Variants in GRAMD1B observed in about 807,000 individuals in gnomAD.
GRAMD1B encodes the protein protein Aster-B.
A neutral mutation model predicts 99.7 loss-of-function variants in GRAMD1B; 37 were observed. That is an observed-to-expected ratio of 0.37 (90% confidence interval 0.29 to 0.49). The LOEUF (loss-of-function observed/expected upper bound fraction) is 0.49. Among genes scored for constraint, GRAMD1B ranks in the 20% least tolerant of loss-of-function variants. The probability of loss-of-function intolerance (pLI) is 0.98; values close to 1 mark genes in which losing one functional copy is unlikely to be tolerated. For missense variants in GRAMD1B, 888 were observed against 1,009.2 expected (o/e 0.88, Z 1.63); for synonymous variants, 427 against 387.6 (o/e 1.10, Z -1.19).
rs1457023873 is a variant in GRAMD1B, at chr11:123,503,458, T to C, written c.452+22565T>C. On this transcript the variant is annotated intron_variant, in intron 2 of 19. Coordinates refer to ENST00000635736, the MANE Select transcript of GRAMD1B (RefSeq NM_001387025.1). Reference sequence around the variant, plus strand: ...GTTCTTAACCCCCCACCCATACCCCTAAGATAGTAATTATAAAGACAAGAT... The same window carrying C: ...GTTCTTAACCCCCCACCCATACCCCCAAGATAGTAATTATAAAGACAAGAT... Among the ~76,000 whole-genome samples, 4 of 152,146 alleles carry C rather than the reference T, an allele frequency of 2.6e-5. No individual in the cohort carries two copies. In the East Asian group the frequency reaches 5.8e-4, roughly 22 times the overall value.
intron 1 of GRAMD1B, among the ~76,000 whole-genome samples, chr11:123,462,059 T>C (rs1197124666): frequency 6.6e-6 from 1 of 150,398 alleles, no homozygotes; most frequent in Non-Finnish European, 1.5e-5. Context: ...GTCCACCTCC[T>C]GGGTTCACGC....
At chr11:123,526,230 C>T in intron 2 of GRAMD1B, 1 of 1,437,460 alleles carries the variant, frequency 7.0e-7, no homozygotes, top group Non-Finnish European at 9.7e-7. Flanking sequence ...CCTGTGCTCG[C>T]CCCAGCACCC....
chr11:123,450,082 G>A (rs1023865439), intron 1 of GRAMD1B, among the ~76,000 whole-genome samples: 2 of 152,094 alleles, frequency 1.3e-5, no homozygotes, highest in Admixed American at 1.3e-4. Flanking sequence ...GCATAGTTAG[G>A]TGGAGAGTGA....
At chr11:123,379,016 T>G (rs899620389) in intron 1 of GRAMD1B, among the ~76,000 whole-genome samples, 5 of 152,068 alleles carry the variant, frequency 3.3e-5, no homozygotes, top group Non-Finnish European at 4.4e-5. Context: ...AGTTGTACAG[T>G]GTCAGTCTAA....
In GRAMD1B at chr11:123,515,768, C is replaced by G. The variant is rs117659998; in HGVS notation, c.452+34875C>G. On this transcript the variant is annotated intron_variant, in intron 2 of 19. Coordinates refer to ENST00000635736, the MANE Select transcript of GRAMD1B (RefSeq NM_001387025.1). Reference sequence around the variant, plus strand: ...TAAAAGGTCATGCTGTCAATATATTCAAACCTTTTTTTTTTTTGAGGCAGA... The same window carrying G: ...TAAAAGGTCATGCTGTCAATATATTGAAACCTTTTTTTTTTTTGAGGCAGA... Among the ~76,000 whole-genome samples, 176 of 146,710 alleles carry G rather than the reference C, an allele frequency of 1.2e-3. 2 individuals are homozygous for G. In the East Asian group the frequency reaches 0.037, roughly 31 times the overall value.
chr11:123,430,943 G>T lies in GRAMD1B; in HGVS notation c.151G>T (p.Val51Leu), dbSNP rs564903568. The change falls in exon 1 of 20, where the codon GTA (valine) becomes TTA (leucine). Residue 51 changes from valine (V) to leucine (L), a missense_variant. Around this residue, in one of 5 missense-constraint regions of GRAMD1B, gnomAD observed 233 missense variants for 154.6 expected, o/e 1.51. Coordinates refer to ENST00000635736, the MANE Select transcript of GRAMD1B (RefSeq NM_001387025.1). ...CTTCAAGATGCGCCGCATGAAGAACGTACAGGAGCAGAGCCTGGAGGCCGG... is the reference window on the plus strand; with the variant it reads ...CTTCAAGATGCGCCGCATGAAGAACTTACAGGAGCAGAGCCTGGAGGCCGG... ...RRFKMRRMKNVQEQSLEAGLA... is the reference protein window; with the variant it reads ...RRFKMRRMKNLQEQSLEAGLA... The T allele has an allele frequency of 1.0e-5, 7 of 702,712 alleles. No homozygotes were observed. The highest frequency in any genetic ancestry group is 1.8e-5 in the Non-Finnish European group (7 of 384,888). 43.5% of individuals were successfully genotyped at this position (702,712 alleles called of 1,614,324 possible). A position where few individuals can be genotyped will look rare whatever the true frequency, so the allele number is the denominator to read the frequency against.
At chr11:123,593,550 C>CT (rs1415589707) in intron 4 of GRAMD1B, among the ~76,000 whole-genome samples, 3 of 152,052 alleles carry the variant, frequency 2.0e-5, no homozygotes, top group African/African-American at 7.2e-5. Context: ...TTTTAATTCT[C>CT]TATCTCTGCG....
intron 3 of GRAMD1B, among the ~76,000 whole-genome samples, chr11:123,581,730 C>T (rs2136293509): frequency 6.6e-6 from 1 of 152,344 alleles, no homozygotes. Context: ...CTTACCCACG[C>T]TTTACAAAAG....
chr11:123,367,473 G>A (rs764243909), intron 1 of GRAMD1B, among the ~76,000 whole-genome samples: 4 of 152,194 alleles, frequency 2.6e-5, no homozygotes, highest in Admixed American at 6.5e-5. Flanking sequence ...GTGAGTAGGC[G>A]TGATCCAGAC....
At chr11:123,493,368 C>G (rs973629294) in intron 2 of GRAMD1B, among the ~76,000 whole-genome samples, 2 of 152,168 alleles carry the variant, frequency 1.3e-5, no homozygotes, top group African/African-American at 4.8e-5. Context: ...TCACTGTCAG[C>G]AAATAGTAGG....
At chr11:123,447,862 A>G (rs1949708813) in intron 1 of GRAMD1B, among the ~76,000 whole-genome samples, 1 of 152,132 alleles carries the variant, frequency 6.6e-6, no homozygotes, top group Non-Finnish European at 1.5e-5. Flanking sequence ...TTTCTGATCT[A>G]TTGATGGGTG....
intron 12 of GRAMD1B, 77 bp from the exon 13 acceptor site, chr11:123,609,718 C>A: frequency 1.2e-6 from 1 of 867,024 alleles, no homozygotes; most frequent in Non-Finnish European, 1.9e-6. Context: ...TCCAGAAGGT[C>A]ACTTGGAGGG....
chr11:123,373,185 C>CT (rs1384735992), intron 1 of GRAMD1B, among the ~76,000 whole-genome samples: 1 of 151,962 alleles, frequency 6.6e-6, no homozygotes, highest in Non-Finnish European at 1.5e-5. Context: ...TAATTGAGAG[C>CT]TTTTTTTACC....
intron 1 of GRAMD1B, among the ~76,000 whole-genome samples, chr11:123,407,588 C>T (rs967626786): frequency 1.3e-5 from 2 of 152,180 alleles, no homozygotes; most frequent in African/African-American, 4.8e-5. Context: ...TTGGTCACAC[C>T]ACCAGGTGAT....
chr11:123,626,776 T>G lies in GRAMD1B; in HGVS notation c.*4181T>G, dbSNP rs1168076971. 6.6e-6 allele frequency: 1 copy of G among 152,320 alleles called. No homozygotes were observed. The highest frequency in any genetic ancestry group is 1.5e-5 in the Non-Finnish European group (1 of 68,116). 9.4% of individuals were successfully genotyped at this position (152,320 alleles called of 1,614,324 possible). On this transcript the variant is annotated 3_prime_UTR_variant, in exon 20 of 20. Transcript: ENST00000635736. The stretch of plus-strand genomic sequence containing the variant: ...TTTCATTCCCCCAACCTCCAGCAGG[T>G]TGGCCCCAATCCTCTTCACCTCTGT...
chr11:123,502,774 C>CAAAAAAAAAAAAAA (rs34321315), intron 2 of GRAMD1B, among the ~76,000 whole-genome samples: 2 of 98,514 alleles, frequency 2.0e-5, no homozygotes, highest in South Asian at 3.4e-4. Flanking sequence ...GACTCCATCT[C>CAAAAAAAAAAAAAA]AAAAAAAAAA....
intron 1 of GRAMD1B, among the ~76,000 whole-genome samples, chr11:123,366,536 T>C (rs1354588445): frequency 1.3e-5 from 2 of 152,246 alleles, no homozygotes; most frequent in Non-Finnish European, 2.9e-5. Context: ...TGTCAAACCT[T>C]TGGGCTACGT....
At chr11:123,478,258 G>A (rs180688728) in intron 1 of GRAMD1B, among the ~76,000 whole-genome samples, 70 of 152,024 alleles carry the variant, frequency 4.6e-4, no homozygotes, top group Non-Finnish European at 7.4e-4. Flanking sequence ...GCGATCCTCC[G>A]GTCTCAGCCT....
intron 2 of GRAMD1B, among the ~76,000 whole-genome samples, chr11:123,531,837 G>A (rs1421720257): frequency 2.0e-5 from 3 of 146,356 alleles, no homozygotes; most frequent in Non-Finnish European, 4.5e-5. Context: ...CCGGGTTCAA[G>A]TGATTCTCCT....
Sources: allele counts gnomAD v4.1 joint callset (sites outside exome capture counted in the v4.1 genomes callset), GRCh38; gene constraint gnomAD v4.1.1; regional missense constraint gnomAD v4.1.1; transcripts MANE v1.5; gene names NCBI Gene and HGNC (gene_info 2026-07-23, HGNC 2026-07-21).